Variants in MACROD2 observed in about 807,000 individuals in gnomAD.
MACROD2 encodes ADP-ribose glycohydrolase MACROD2.
MACROD2 carries 36 observed loss-of-function variants against 70.4 expected under a neutral mutation model. The observed-to-expected ratio is 0.51, with a 90% CI of 0.39 to 0.68. The LOEUF is 0.68. Among genes scored for constraint, MACROD2 ranks in the 30% least tolerant of loss-of-function variants. The pLI, the probability that MACROD2 is intolerant of heterozygous loss-of-function variation, is 0.00. For synonymous variants in MACROD2, 172 were observed against 178.8 expected (o/e 0.96, Z 0.30); for missense variants, 496 against 538.4 (o/e 0.92, Z 0.78).
chr20:14,592,904 A>G (rs939956356), intron 4 of MACROD2, among the ~76,000 whole-genome samples: 5 of 152,190 alleles, frequency 3.3e-5, no homozygotes, highest in South Asian at 2.1e-4. Flanking sequence ...ATCCTAAAAC[A>G]TTACTGAGAT....
intron 4 of MACROD2, among the ~76,000 whole-genome samples, chr20:14,535,037 G>T (rs1014504641): frequency 6.6e-6 from 1 of 152,170 alleles, no homozygotes; most frequent in African/African-American, 2.4e-5. Flanking sequence ...CATAAAAAAC[G>T]ATAGAATGAC....
chr20:15,663,854 A>G (rs990317605), intron 8 of MACROD2, among the ~76,000 whole-genome samples: 2 of 152,164 alleles, frequency 1.3e-5, no homozygotes, highest in African/African-American at 4.8e-5. Context: ...ACTCATCAAC[A>G]TACCAACTGC....
At chr20:15,966,304 G>T (rs1434097811) in intron 12 of MACROD2, among the ~76,000 whole-genome samples, 1 of 152,148 alleles carries the variant, frequency 6.6e-6, no homozygotes, top group Non-Finnish European at 1.5e-5. Flanking sequence ...TTTCTCCATG[G>T]TCACACGCTT....
At chr20:14,580,595 G>A (rs1980945996) in intron 4 of MACROD2, among the ~76,000 whole-genome samples, 1 of 152,200 alleles carries the variant, frequency 6.6e-6, no homozygotes, top group South Asian at 2.1e-4. Flanking sequence ...GCCCAGGATT[G>A]TGCTGTGTAA....
rs183715310 is a variant in MACROD2 at position 14,952,502 on chromosome 20, C to A, written c.418+267543C>A. Among the ~76,000 whole-genome samples the A allele has an allele frequency of 3.0e-3, 452 of 152,214 alleles. 1 individual carries two copies. Among genetic ancestry groups the A allele is most frequent in the South Asian group, 0.015 (72 of 4,828 alleles). ...TGAACTTGCTTTCTTCCTTAGTTGA[C>A]CTTATGCAGGGAACAACTTATTAAT... On this transcript the variant is annotated intron_variant, in intron 5 of 17. Transcript: ENST00000684519.
intron 3 of MACROD2, among the ~76,000 whole-genome samples, chr20:14,343,049 G>A (rs547021969): frequency 6.6e-6 from 1 of 152,132 alleles, no homozygotes; most frequent in African/African-American, 2.4e-5. Flanking sequence ...GCTAGTAAAA[G>A]TCACGGGGTG....
chr20:14,561,619 T>A (rs923300844), intron 4 of MACROD2, among the ~76,000 whole-genome samples: 1 of 151,852 alleles, frequency 6.6e-6, no homozygotes, highest in Admixed American at 6.6e-5. Context: ...CTAAGAGGTA[T>A]AAATTTTGAT....
chr20:15,082,494 T>C (rs1379192853), intron 5 of MACROD2, among the ~76,000 whole-genome samples: 1 of 151,224 alleles, frequency 6.6e-6, no homozygotes, highest in Admixed American at 6.6e-5. Context: ...AGTGAAATGT[T>C]CCTTTATCAC....
intron 3 of MACROD2, among the ~76,000 whole-genome samples, chr20:14,230,507 CTTCTAA>C (rs1374829171): frequency 6.6e-6 from 1 of 150,970 alleles, no homozygotes; most frequent in Non-Finnish European, 1.5e-5. Flanking sequence ...TTAGGGTTCA[CTTCTAA>C]TTCTAGTTCT....
intron 15 of MACROD2, among the ~76,000 whole-genome samples, chr20:16,019,019 C>A (rs1483555175): frequency 6.6e-6 from 1 of 152,116 alleles, no homozygotes; most frequent in East Asian, 1.9e-4. Flanking sequence ...CTACTCTCCC[C>A]AATAAAACAA....
intron 8 of MACROD2, among the ~76,000 whole-genome samples, chr20:15,585,503 T>C (rs2048586938): frequency 6.6e-6 from 1 of 152,094 alleles, no homozygotes; most frequent in Non-Finnish European, 1.5e-5. Flanking sequence ...GCCTGGAGCG[T>C]CCTTTTTACC....
chr20:15,096,952 C>T (rs762488824), intron 5 of MACROD2, among the ~76,000 whole-genome samples: 15 of 151,454 alleles, frequency 9.9e-5, no homozygotes, highest in Admixed American at 2.0e-4. Flanking sequence ...GAGGGAATTA[C>T]AGGTGCTCGC....
intron 5 of MACROD2, among the ~76,000 whole-genome samples, chr20:14,749,870 A>G (rs1465421986): frequency 6.6e-6 from 1 of 152,130 alleles, no homozygotes; most frequent in Non-Finnish European, 1.5e-5. Context: ...TATCAAAGTG[A>G]TCAAATTCAT....
intron 8 of MACROD2, among the ~76,000 whole-genome samples, chr20:15,697,784 CA>C (rs1234417105): frequency 6.6e-6 from 1 of 152,172 alleles, no homozygotes; most frequent in Non-Finnish European, 1.5e-5. Context: ...TCCTGTTAGA[CA>C]AGGCCTTTTG....
intron 3 of MACROD2, among the ~76,000 whole-genome samples, chr20:14,307,476 T>A (rs528005104): frequency 7.2e-5 from 11 of 152,276 alleles, no homozygotes; most frequent in Non-Finnish European, 4.4e-5. Flanking sequence ...TTCAGTTTTT[T>A]AAATTGGTTT....
intron 3 of MACROD2, among the ~76,000 whole-genome samples, chr20:14,252,722 C>A (rs2082022927): frequency 6.6e-6 from 1 of 151,812 alleles, no homozygotes; most frequent in African/African-American, 2.4e-5. Flanking sequence ...TTTCTTGTCC[C>A]CTGTCTTGAT....
intron 8 of MACROD2, among the ~76,000 whole-genome samples, chr20:15,833,292 G>A (rs2064078055): frequency 6.6e-6 from 1 of 152,176 alleles, no homozygotes; most frequent in African/African-American, 2.4e-5. Context: ...TTCAGCCTGT[G>A]AGCATGGCAG....
chr20:14,559,792 C>T (rs183673549), intron 4 of MACROD2, among the ~76,000 whole-genome samples: 1 of 151,928 alleles, frequency 6.6e-6, no homozygotes, highest in African/African-American at 2.4e-5. Flanking sequence ...CAACATGAAT[C>T]ATGCATGACT....
intron 2 of MACROD2, among the ~76,000 whole-genome samples, chr20:14,051,486 T>G (rs1420063580): frequency 6.6e-6 from 1 of 152,326 alleles, no homozygotes; most frequent in East Asian, 1.9e-4. Context: ...ACCTTCCCTT[T>G]TACCCAAAGT....
Sources: gnomAD v4.1 joint callset for allele counts (sites outside exome capture counted in the v4.1 genomes callset) on GRCh38, gnomAD v4.1.1 for gene constraint, MANE v1.5 for transcripts, NCBI Gene and HGNC (gene_info 2026-07-23, HGNC 2026-07-21) for gene names.